The following NIPA1 variants were observed in gnomAD, a reference collection of about 807,000 sequenced individuals.
The protein encoded by NIPA1 is magnesium transporter NIPA1.
A neutral mutation model predicts 23.9 loss-of-function variants in NIPA1; 13 were observed. That is an observed-to-expected ratio of 0.54 (90% CI 0.35 to 0.87). NIPA1 has a LOEUF of 0.87. Among genes scored for constraint, NIPA1 ranks in the 40% least tolerant of loss-of-function variants. NIPA1 has a pLI of 0.01. For missense variants in NIPA1, 362 were observed against 429.7 expected (o/e 0.84, Z 1.39); for synonymous variants, 234 against 202.9 (o/e 1.15, Z -1.30).
chr15:22,813,034 T>C (rs538038759), intron 3 of NIPA1, among the ~76,000 whole-genome samples: 1 of 152,302 alleles, frequency 6.6e-6, no homozygotes, highest in South Asian at 2.1e-4. Flanking sequence ...AAATAGGATT[T>C]ATGACTGACG....
rs560287583 is a variant in NIPA1 at position 22,824,285 on chromosome 15, G to A, written c.*46G>A. The stretch of plus-strand genomic sequence containing the variant: ...GGTTCGAGGAATAGGCATTGGAGGT[G>A]GTTTCTGGCCGTGATTGGATGTGAA... On this transcript the variant is annotated 3_prime_UTR_variant, in exon 5 of 5. Coordinates refer to ENST00000337435, the MANE Select transcript of NIPA1 (RefSeq NM_144599.5). This position sits in a 1 kb window ranked among gnomAD's most constrained non-coding sequence, Gnocchi z 4.1. 2.6e-6 allele frequency: 4 copies of A among 1,533,128 alleles called. No homozygotes were observed. In the African/African-American group the frequency reaches 5.4e-5, roughly 21 times the overall value. 95.0% of individuals were successfully genotyped at this position (1,533,128 alleles called of 1,614,324 possible). A position where few individuals can be genotyped will look rare whatever the true frequency, so the allele number is the denominator to read the frequency against.
At chr15:22,788,207 A>T (rs1166117253) in intron 1 of NIPA1, among the ~76,000 whole-genome samples, 2 of 152,100 alleles carry the variant, frequency 1.3e-5, no homozygotes, top group African/African-American at 2.4e-5. Flanking sequence ...ACCGGAGTAG[A>T]AGAACATCTT....
intron 1 of NIPA1, among the ~76,000 whole-genome samples, chr15:22,804,212 A>C (rs1486011947): frequency 6.6e-6 from 1 of 151,316 alleles, no homozygotes; most frequent in Non-Finnish European, 1.5e-5. Flanking sequence ...CCCTGACCCC[A>C]GGTGATTCAC....
At position 22,820,395 on chromosome 15, in the gene NIPA1, G is replaced by T. The variant is rs200145527; in HGVS notation, c.400G>T (p.Val134Phe). Residue 134 changes from valine to phenylalanine, a missense_variant, in exon 4 of 5, where the codon GTC (valine) becomes TTC (phenylalanine). Val to Phe is a conservative substitution (Grantham distance 50). Around this residue, in one of 2 missense-constraint regions of NIPA1, gnomAD observed 277 missense variants for 372.0 expected, o/e 0.74. Transcript: ENST00000337435. Reference sequence around the variant, plus strand: ...GTGCCTGCTAAGCTGTGCAGGCTCCGTCGTGCTGATTATCCACTCCCCAAA... The same window carrying T: ...GTGCCTGCTAAGCTGTGCAGGCTCCTTCGTGCTGATTATCCACTCCCCAAA... ...LGCLLSCAGS[V>F]VLIIHSPKSE... The T allele has an allele frequency of 1.2e-6, 2 of 1,612,026 alleles. No individual in the cohort carries two copies. Among genetic ancestry groups the T allele is most frequent in the East Asian group, 2.2e-5 (1 of 44,886 alleles).
At position 22,825,318 on chromosome 15, in the gene NIPA1, C is replaced by T. The variant is rs896545937; in HGVS notation, c.*1079C>T. ...TATTACAATGTTATGGGACCACCGTCATGTAAGTGGTATGTCTTTGACAGA... is the reference window on the plus strand; with the variant it reads ...TATTACAATGTTATGGGACCACCGTTATGTAAGTGGTATGTCTTTGACAGA... On this transcript the variant is annotated 3_prime_UTR_variant, in exon 5 of 5. Coordinates refer to ENST00000337435, the MANE Select transcript of NIPA1 (RefSeq NM_144599.5). The T allele has an allele frequency of 4.6e-5, 7 of 152,194 alleles. No homozygotes were observed. Among genetic ancestry groups the T allele is most frequent in the African/African-American group, 1.7e-4 (7 of 41,440 alleles). The allele number at this position is 152,194 out of a possible 1,614,324, so 9.4% of individuals were successfully genotyped here.
intron 1 of NIPA1, among the ~76,000 whole-genome samples, chr15:22,788,919 T>TAAAAAG (rs1448821999): frequency 1.3e-5 from 1 of 78,794 alleles, no homozygotes; most frequent in Non-Finnish European, 2.3e-5. Flanking sequence ...GGCTCTGTCT[T>TAAAAAG]AAAAAAAAAA....
chr15:22,814,367 A>G (rs1895375294), intron 3 of NIPA1, among the ~76,000 whole-genome samples: 1 of 150,842 alleles, frequency 6.6e-6, no homozygotes, highest in Admixed American at 6.6e-5. Flanking sequence ...ATGCCCGGCT[A>G]ATTTTTTTTG....
intron 1 of NIPA1, among the ~76,000 whole-genome samples, chr15:22,793,357 CA>C (rs1163603849): frequency 0.049 from 3,593 of 72,866 alleles, 94 homozygotes; most frequent in African/African-American, 0.17. Flanking sequence ...GACTGTGTCT[CA>C]AAAAAAAAAA....
rs992468968 is a variant in NIPA1, at chr15:22,820,927, G to C, written c.478+454G>C. 4.0e-5 allele frequency among the ~76,000 whole-genome samples: 6 copies of C among 151,838 alleles called. No homozygotes were observed. In the East Asian group the frequency reaches 1.2e-3, roughly 29 times the overall value. On this transcript the variant is annotated intron_variant, in intron 4 of 4. Transcript: ENST00000337435. Reference sequence around the variant, plus strand: ...AAAGACCTGGCATCTCTTAAGTTTAGATTCCTCATATAGCCCTGTTTATAT... The same window carrying C: ...AAAGACCTGGCATCTCTTAAGTTTACATTCCTCATATAGCCCTGTTTATAT...
Position 22,820,454 on chromosome 15 carries a change from G to A in NIPA1, c.459G>A (p.Glu153=). Residue 153 remains glutamate (E), a synonymous_variant, in exon 4 of 5, where the codon GAG becomes GAA. Transcript: ENST00000337435. ...GTGTGACAACTCAGGCTGAGCTGGA[G>A]GAAAAGCTGACCAATCCAGGTAATT... ...SESVTTQAEL[E]EKLTNPVFVG... is the part of the protein sequence containing the mutation. The A allele has an allele frequency of 1.2e-6, 2 of 1,613,684 alleles. No individual in the cohort carries two copies. The highest frequency in any genetic ancestry group is 1.3e-5 in the African/African-American group (1 of 75,026).
At chr15:22,804,281 C>T (rs2140860643) in intron 1 of NIPA1, among the ~76,000 whole-genome samples, 1 of 151,932 alleles carries the variant, frequency 6.6e-6, no homozygotes, top group Non-Finnish European at 1.5e-5. Context: ...CCCAGCTGGG[C>T]CCGGCTAATT....
At chr15:22,791,599 T>A (rs551808020) in intron 1 of NIPA1, among the ~76,000 whole-genome samples, 1 of 147,246 alleles carries the variant, frequency 6.8e-6, no homozygotes, top group East Asian at 2.2e-4. Flanking sequence ...TTCTCCTGCC[T>A]CAGCCTCCCC....
At position 22,828,670 on chromosome 15, in the gene NIPA1, AAC is replaced by A. The variant is rs1895697580; in HGVS notation, c.*4433_*4434del. The A allele has an allele frequency of 6.6e-6, 1 of 152,654 alleles. No individual in the cohort carries two copies. Among genetic ancestry groups the A allele is most frequent in the Admixed American group, 6.5e-5 (1 of 15,278 alleles). The allele number at this position is 152,654 out of a possible 1,614,324, so 9.5% of individuals were successfully genotyped here. On this transcript the variant is annotated 3_prime_UTR_variant, in exon 5 of 5. Coordinates refer to ENST00000337435, the MANE Select transcript of NIPA1 (RefSeq NM_144599.5). ...CAGTAGAACAAGGATCATGTAAATA[AAC>A]ATCTATTTCACATGTACCCAAAAGC...
At chr15:22,813,862 A>T (rs974423102) in intron 3 of NIPA1, 4 of 381,784 alleles carry the variant, frequency 1.0e-5, no homozygotes, top group African/African-American at 8.3e-5. Flanking sequence ...TGGGAGGGCA[A>T]GAGTGTTCTC....
chr15:22,824,430 A>T lies in NIPA1; in HGVS notation c.*191A>T. The T allele has an allele frequency of 1.6e-6, 1 of 607,106 alleles. No individual in the cohort carries two copies. The highest frequency in any genetic ancestry group is 3.0e-6 in the Non-Finnish European group (1 of 338,700). 37.6% of individuals were successfully genotyped at this position (607,106 alleles called of 1,614,324 possible). On this transcript the variant is annotated 3_prime_UTR_variant, in exon 5 of 5. Coordinates refer to ENST00000337435, the MANE Select transcript of NIPA1 (RefSeq NM_144599.5). The surrounding 1 kb of genome is among the most constrained non-coding windows in gnomAD (Gnocchi z 4.1). ...GGCCCAGCCAGCCCTCTGCAGCCCA[A>T]ACGTCCCCAACGGTTGCCTGGCACC...
chr15:22,808,686 T>TTTTTTTTTTTTTTG, intron 1 of NIPA1, among the ~76,000 whole-genome samples: 1 of 150,354 alleles, frequency 6.7e-6, no homozygotes, highest in Admixed American at 6.7e-5. Flanking sequence ...ATTCTTTTTT[T>TTTTTTTTTTTTTTG]TGAGACAGTG....
In NIPA1 at chr15:22,822,424, A is replaced by G; in HGVS notation, c.479-1304A>G. The stretch of plus-strand genomic sequence containing the variant: ...CCCAATCATTGCAAAACCCACAAAC[A>G]CCCCCACAGCTTAAAGTCCTCCCTC... On this transcript the variant is annotated intron_variant, in intron 4 of 4. Transcript: ENST00000337435. Among the ~76,000 whole-genome samples the G allele has an allele frequency of 1.3e-5, 2 of 151,710 alleles. 1 individual carries two copies.
chr15:22,799,714 G>A (rs1052945973), intron 1 of NIPA1, among the ~76,000 whole-genome samples: 19 of 151,162 alleles, frequency 1.3e-4, no homozygotes, highest in South Asian at 2.1e-4. Flanking sequence ...CCCAGGAGGC[G>A]GAGGTTGCAG....
At position 22,824,328 on chromosome 15, in the gene NIPA1, T is replaced by A. The variant is rs1461235344; in HGVS notation, c.*89T>A. The A allele has an allele frequency of 1.1e-5, 12 of 1,139,040 alleles. No individual in the cohort carries two copies. Among genetic ancestry groups the A allele is most frequent in the Non-Finnish European group, 1.5e-5 (11 of 751,768 alleles). 70.6% of individuals were successfully genotyped at this position (1,139,040 alleles called of 1,614,324 possible). A position where few individuals can be genotyped will look rare whatever the true frequency, so the allele number is the denominator to read the frequency against. On this transcript the variant is annotated 3_prime_UTR_variant, in exon 5 of 5. Coordinates refer to ENST00000337435, the MANE Select transcript of NIPA1 (RefSeq NM_144599.5). This position sits in a 1 kb window ranked among gnomAD's most constrained non-coding sequence, Gnocchi z 4.1. The stretch of plus-strand genomic sequence containing the variant: ...GATGTGAAGTAGAAGAGGTCCTCGA[T>A]CATGGTGTTAGAATTGACTGGATAG...
Sources: allele counts gnomAD v4.1 joint callset (sites outside exome capture counted in the v4.1 genomes callset), GRCh38; gene constraint gnomAD v4.1.1; regional missense constraint gnomAD v4.1.1; non-coding constraint Gnocchi (gnomAD v3.1); transcripts MANE v1.5; gene names NCBI Gene and HGNC (gene_info 2026-07-23, HGNC 2026-07-21).